ANK1: variants seen among roughly 807,000 people sequenced by gnomAD.
ANK1 encodes ankyrin 1.
Under a neutral mutation model 210.4 loss-of-function variants are expected in ANK1, and 51 were observed. The observed-to-expected ratio is 0.24, with a 90% CI of 0.19 to 0.31. ANK1 has a LOEUF of 0.31. ANK1 is among the 10% of genes least tolerant of loss of function. The pLI is 1.00. For synonymous variants in ANK1, 967 were observed against 1,025.9 expected (o/e 0.94, Z 1.10); for missense variants, 2,051 against 2,504.4 (o/e 0.82, Z 3.86).
intron 41 of ANK1, 137 bp from the exon 42 acceptor site, chr8:41,661,701 C>T: frequency 2.5e-6 from 4 of 1,597,172 alleles, no homozygotes; most frequent in Middle Eastern, 1.7e-4. Context: ...AGAGAGAGCT[C>T]ATAAAGAGGT....
chr8:41,663,596 C>T (rs966316991), intron 40 of ANK1, 63 bp downstream of exon 40: 9 of 1,519,350 alleles, frequency 5.9e-6, no homozygotes, highest in Admixed American at 5.0e-5. Context: ...CTGGCTTCTA[C>T]CACCTTTTAG....
At chr8:41,700,136 G>A (rs1040432650) in intron 22 of ANK1, among the ~76,000 whole-genome samples, 1 of 152,264 alleles carries the variant, frequency 6.6e-6, no homozygotes, top group Non-Finnish European at 1.5e-5. Flanking sequence ...CCACCCAGGA[G>A]TGAGCACCAT....
chr8:41,715,041 A>T lies in ANK1; in HGVS notation c.1636T>A (p.Tyr546Asn). 6.2e-7 allele frequency: 1 copy of T among 1,614,036 alleles called. No individual in the cohort carries two copies. Among genetic ancestry groups the T allele is most frequent in the Non-Finnish European group, 8.5e-7 (1 of 1,179,990 alleles). Residue 546 changes from tyrosine (Y) to asparagine (N), a missense_variant, in exon 15 of 43, where the codon TAC (tyrosine) becomes AAC (asparagine). Tyr to Asn is a moderately radical substitution (Grantham distance 143). Around this residue, in one of 6 missense-constraint regions of ANK1, gnomAD observed 1,413 missense variants for 1,707.4 expected, o/e 0.83. Transcript: ENST00000289734. ...GFTPLHVAAKYGKVRVAELLL... is the reference protein window; with the variant it reads ...GFTPLHVAAKNGKVRVAELLL... ...AGCTCTGCCACCCGCACCTTCCCGTACTTGGCCGCCACGTGCAGAGGGGTA... is the reference window on the plus strand; with the variant it reads ...AGCTCTGCCACCCGCACCTTCCCGTTCTTGGCCGCCACGTGCAGAGGGGTA...
At chr8:41,823,314 C>A (rs1804794681) in intron 1 of ANK1, among the ~76,000 whole-genome samples, 1 of 152,284 alleles carries the variant, frequency 6.6e-6, no homozygotes, top group East Asian at 1.9e-4. Context: ...TAGAAAAAAA[C>A]CGCCCAACTT....
At chr8:41,849,389 T>C (rs1430858574) in intron 1 of ANK1, among the ~76,000 whole-genome samples, 1 of 152,188 alleles carries the variant, frequency 6.6e-6, no homozygotes, top group Non-Finnish European at 1.5e-5. Context: ...CCGGGCATGG[T>C]GGCAAGTGCC....
At chr8:41,682,372 AC>A (rs1816332489) in intron 37 of ANK1, among the ~76,000 whole-genome samples, 1 of 152,190 alleles carries the variant, frequency 6.6e-6, no homozygotes, top group Non-Finnish European at 1.5e-5. Flanking sequence ...TTTCTCCTGC[AC>A]CATGCACGTT....
intron 1 of ANK1, among the ~76,000 whole-genome samples, chr8:41,765,829 G>A (rs1378600215): frequency 6.6e-6 from 1 of 152,104 alleles, no homozygotes; most frequent in Non-Finnish European, 1.5e-5. Context: ...ATCCTGAGAG[G>A]GAGGGGCCGG....
At chr8:41,732,645 G>T (rs564450564) in intron 3 of ANK1, among the ~76,000 whole-genome samples, 81 of 151,586 alleles carry the variant, frequency 5.3e-4, no homozygotes, top group African/African-American at 1.9e-3. Context: ...ACTCCTAACC[G>T]CAGATGATCT....
intron 33 of ANK1, 92 bp downstream of exon 33, chr8:41,690,134 AG>A: frequency 6.3e-7 from 1 of 1,576,130 alleles, no homozygotes; most frequent in South Asian, 1.1e-5. Flanking sequence ...ACCAGGAAGA[AG>A]CCCCTTGGAA....
rs1811250067 is a variant in ANK1 at position 41,668,482 on chromosome 8, G to A, written c.5179C>T (p.Gln1727Ter). 1 of 1,614,066 alleles carries A rather than the reference G, an allele frequency of 6.2e-7. No homozygotes were observed. The highest frequency in any genetic ancestry group is 8.5e-7 in the Non-Finnish European group (1 of 1,180,032). Residue 1727 changes from glutamine (Q) to a stop codon, truncating the protein, a stop_gained, in exon 39 of 43, where the codon CAA (glutamine) becomes TAA (stop). Transcript: ENST00000289734. LOFTEE classifies it high-confidence loss of function. Reference protein sequence around the residue: ...AQGSWQEEVTQGPHSFQGTST... With the variant: ...AQGSWQEEVT ...GTTCCCTGGAATGAGTGTGGACCTTGCGTGACCTCCTCTTGCCAGGAACCT... is the reference window on the plus strand; with the variant it reads ...GTTCCCTGGAATGAGTGTGGACCTTACGTGACCTCCTCTTGCCAGGAACCT...
intron 8 of ANK1, 54 bp downstream of exon 8, chr8:41,723,481 T>G (rs1218935932): frequency 1.9e-6 from 3 of 1,591,512 alleles, no homozygotes; most frequent in Non-Finnish European, 2.6e-6. Flanking sequence ...GGGTGAGGCT[T>G]GTGAGGGGGG....
At chr8:41,808,788 T>G (rs949836519) in intron 1 of ANK1, among the ~76,000 whole-genome samples, 7 of 152,324 alleles carry the variant, frequency 4.6e-5, no homozygotes, top group African/African-American at 1.7e-4. Context: ...AACGTTACAG[T>G]TAAGATTTTG....
chr8:41,785,815 G>A lies in ANK1; in HGVS notation c.27+11697C>T, dbSNP rs1468709699. Among the ~76,000 whole-genome samples the A allele has an allele frequency of 3.3e-5, 5 of 152,162 alleles. No homozygotes were observed. The South Asian group carries it at 8.3e-4, about 25-fold the overall frequency. On this transcript the variant is annotated intron_variant, in intron 1 of 42. Coordinates refer to ENST00000289734, the MANE Select transcript of ANK1 (RefSeq NM_000037.4). ...CGCTCAGAGCCGTCCATTGCTCCTCGGTGCTTTCCAGACCCTTTAAACACC... is the reference window on the plus strand; with the variant it reads ...CGCTCAGAGCCGTCCATTGCTCCTCAGTGCTTTCCAGACCCTTTAAACACC...
At chr8:41,767,430 G>T (rs1202741537) in intron 1 of ANK1, among the ~76,000 whole-genome samples, 1 of 151,778 alleles carries the variant, frequency 6.6e-6, no homozygotes, top group Admixed American at 6.6e-5. Flanking sequence ...TCCCCCTCCC[G>T]GTTATCTGCT....
At chr8:41,887,405 C>T (rs958261564) in intron 1 of ANK1, among the ~76,000 whole-genome samples, 8 of 151,900 alleles carry the variant, frequency 5.3e-5, no homozygotes, top group Non-Finnish European at 1.0e-4. Flanking sequence ...CATGCCACCA[C>T]ACCTGGCTAA....
In ANK1 at chr8:41,758,188, CTCCACCCCGTTCAAG is replaced by C. The variant is rs1202438194; in HGVS notation, c.28-66_28-52del. 2.6e-6 allele frequency: 4 copies of C among 1,529,698 alleles called. No individual in the cohort carries two copies. The Admixed American group carries it at 6.7e-5, about 26-fold the overall frequency. 94.8% of individuals were successfully genotyped at this position (1,529,698 alleles called of 1,614,324 possible). A position where few individuals can be genotyped will look rare whatever the true frequency, so the allele number is the denominator to read the frequency against. ...AGTGTCCTGGGTGTATTAATGACTT[CTCCACCCCGTTCAAG>C]TCCCAGGCCCCCGCAGCAGCCCCTG... On this transcript the variant is annotated intron_variant, in intron 1 of 42. Coordinates refer to ENST00000289734, the MANE Select transcript of ANK1 (RefSeq NM_000037.4).
chr8:41,753,424 G>C lies in ANK1; in HGVS notation c.129+4612C>G, dbSNP rs557441242. On this transcript the variant is annotated intron_variant, in intron 2 of 42. Coordinates refer to ENST00000289734, the MANE Select transcript of ANK1 (RefSeq NM_000037.4). ...CTCTGGCCACTGTCCCCCTCCCCCAGACCCCTTCCCCTCAGTCAGCAACTA... is the reference window on the plus strand; with the variant it reads ...CTCTGGCCACTGTCCCCCTCCCCCACACCCCTTCCCCTCAGTCAGCAACTA... Among the ~76,000 whole-genome samples, 918 of 151,856 alleles carry C rather than the reference G, an allele frequency of 6.0e-3. 11 individuals carry two copies. Among genetic ancestry groups the C allele is most frequent in the Non-Finnish European group, 8.9e-3 (603 of 67,946 alleles).
At chr8:41,851,812 G>C (rs1479915053) in intron 1 of ANK1, among the ~76,000 whole-genome samples, 1 of 152,162 alleles carries the variant, frequency 6.6e-6, no homozygotes, top group Non-Finnish European at 1.5e-5. Flanking sequence ...AGCCATGATT[G>C]TATCACTGCA....
At chr8:41,727,785 C>T in intron 4 of ANK1, 123 bp downstream of exon 4, 1 of 898,906 alleles carries the variant, frequency 1.1e-6, no homozygotes, top group Non-Finnish European at 1.8e-6. Flanking sequence ...CCTGAGAAAT[C>T]TAGGCCCTGC....
Sources: allele counts gnomAD v4.1 joint callset (sites outside exome capture counted in the v4.1 genomes callset), GRCh38; gene constraint gnomAD v4.1.1; regional missense constraint gnomAD v4.1.1; transcripts MANE v1.5; gene names NCBI Gene and HGNC (gene_info 2026-07-23, HGNC 2026-07-21).